The following PCDHGA4 variants were observed in gnomAD, a reference collection of about 807,000 sequenced individuals.
PCDHGA4 encodes the protein protocadherin gamma-A4.
Under a neutral mutation model 54.6 loss-of-function variants are expected in PCDHGA4, and 38 were observed. That is an observed-to-expected ratio of 0.70 (90% CI 0.54 to 0.91). The LOEUF is 0.91. Among genes scored for constraint, PCDHGA4 ranks in the 40% least tolerant of loss-of-function variants. PCDHGA4 has a pLI of 0.00. For synonymous variants in PCDHGA4, 511 were observed against 512.9 expected, an observed-to-expected ratio of 1.00 and a Z score of 0.05; for missense variants, 1,298 against 1,220.9, an observed-to-expected ratio of 1.06 and a Z score of -0.94.
At position 141,384,205 on chromosome 5, in the gene PCDHGA4, A is replaced by G. The variant is rs537255250; in HGVS notation, c.2514+26584A>G. 3.1e-6 allele frequency: 5 copies of G among 1,613,874 alleles called. No homozygotes were observed. In the African/African-American group the frequency reaches 4.0e-5, roughly 13 times the overall value. On this transcript the variant is annotated intron_variant, in intron 1 of 3. Transcript: ENST00000571252. ...TGGAACTCCTCCCTTGTCCAGGGAAACTCACATATTCATGCAGGTGGCAGA... is the reference window on the plus strand; with the variant it reads ...TGGAACTCCTCCCTTGTCCAGGGAAGCTCACATATTCATGCAGGTGGCAGA...
At chr5:141,405,804 C>T (rs1277295024) in intron 1 of PCDHGA4, among the ~76,000 whole-genome samples, 1 of 146,338 alleles carries the variant, frequency 6.8e-6, no homozygotes, top group Non-Finnish European at 1.5e-5. Context: ...AGTTAGCTTT[C>T]TCTTTAACTG....
At chr5:141,399,957 C>T in intron 1 of PCDHGA4, 5 of 1,612,212 alleles carry the variant, frequency 3.1e-6, no homozygotes, top group South Asian at 1.1e-5. Flanking sequence ...CTAGCGAGCC[C>T]GGGCTCTTCA....
intron 1 of PCDHGA4, chr5:141,389,674 G>T (rs763404625): frequency 1.2e-6 from 2 of 1,612,448 alleles, no homozygotes; most frequent in Admixed American, 3.3e-5. Flanking sequence ...GCAGACTCAG[G>T]ACACAACGCC....
intron 1 of PCDHGA4, chr5:141,374,023 A>C: frequency 7.1e-7 from 1 of 1,412,854 alleles, no homozygotes; most frequent in South Asian, 1.7e-5. Flanking sequence ...GAGAAGAGCA[A>C]AAGTGATGCA....
At position 141,491,823 on chromosome 5, in the gene PCDHGA4, C is replaced by G; in HGVS notation, c.2515-2984C>G. Reference sequence around the variant, plus strand: ...GCCGGCTTGGTCGCTGGCTGCGCTCCACCCGATTCTCGGGATCATTGGACC... The same window carrying G: ...GCCGGCTTGGTCGCTGGCTGCGCTCGACCCGATTCTCGGGATCATTGGACC... On this transcript the variant is annotated intron_variant, in intron 1 of 3. Transcript: ENST00000571252. The surrounding 1 kb of genome is among the most constrained non-coding windows in gnomAD (Gnocchi z 6.9). The G allele has an allele frequency of 6.8e-7, 1 of 1,479,156 alleles. No individual in the cohort carries two copies. Among genetic ancestry groups the G allele is most frequent in the Non-Finnish European group, 9.0e-7 (1 of 1,115,292 alleles). 91.6% of individuals were successfully genotyped at this position (1,479,156 alleles called of 1,614,324 possible). A position where few individuals can be genotyped will look rare whatever the true frequency, so the allele number is the denominator to read the frequency against.
At chr5:141,422,850 G>T (rs184432819) in intron 1 of PCDHGA4, 7 of 1,614,086 alleles carry the variant, frequency 4.3e-6, no homozygotes, top group Non-Finnish European at 5.9e-6. Context: ...GCGGGGACCC[G>T]CCCCTCAGCA....
intron 1 of PCDHGA4, chr5:141,428,255 G>A (rs2097128504): frequency 1.1e-6 from 1 of 875,462 alleles, no homozygotes; most frequent in Non-Finnish European, 1.8e-6. Context: ...CCAGACTTCA[G>A]TGACAGTCCT....
In PCDHGA4 at chr5:141,485,624, C is replaced by T; in HGVS notation, c.2515-9183C>T. 1 of 1,611,640 alleles carries T rather than the reference C, an allele frequency of 6.2e-7. No homozygotes were observed. The highest frequency in any genetic ancestry group is 1.1e-5 in the South Asian group (1 of 90,868). The stretch of plus-strand genomic sequence containing the variant: ...TGGGGAGGCAGCTCCTCCAGGACAG[C>T]GTTTCCCGTTGGAAAAGGCTCAGGA... On this transcript the variant is annotated intron_variant, in intron 1 of 3. Transcript: ENST00000571252. This position sits in a 1 kb window ranked among gnomAD's most constrained non-coding sequence, Gnocchi z 5.7.
Position 141,357,326 on chromosome 5 carries a change from C to A in PCDHGA4, c.2219C>A (p.Thr740Lys), listed in dbSNP as rs751525269. 6 of 1,613,964 alleles carry A rather than the reference C, an allele frequency of 3.7e-6. No homozygotes were observed. The highest frequency in any genetic ancestry group is 4.5e-5 in the East Asian group (2 of 44,896). Residue 740 changes from threonine (T) to lysine (K), a missense_variant, in exon 1 of 4, where the codon ACG (threonine) becomes AAG (lysine). By Grantham distance (78) the Thr-to-Lys change is moderately conservative. Coordinates refer to ENST00000571252, the MANE Select transcript of PCDHGA4 (RefSeq NM_018917.4). The part of the protein sequence containing the change: ...AVSCVFLAFV[T>K]VLLALKLRRW... ...TCCTGCGTCTTCCTGGCTTTTGTCA[C>A]GGTGCTGCTAGCACTCAAGCTGAGA...
chr5:141,389,737 G>A, intron 1 of PCDHGA4: 2 of 1,612,718 alleles, frequency 1.2e-6, no homozygotes, highest in Non-Finnish European at 1.7e-6. Flanking sequence ...TTCAGCCTGG[G>A]GCTGCGCACG....
intron 1 of PCDHGA4, among the ~76,000 whole-genome samples, chr5:141,402,640 T>G (rs1180615388): frequency 1.3e-5 from 2 of 152,232 alleles, no homozygotes; most frequent in East Asian, 3.8e-4. Flanking sequence ...TCTAAAATCA[T>G]AATTAGAAGA....
chr5:141,383,378 CAG>C (rs1561596110), intron 1 of PCDHGA4: 1 of 1,614,002 alleles, frequency 6.2e-7, no homozygotes, highest in Non-Finnish European at 8.5e-7. Flanking sequence ...GCTGGGGATC[CAG>C]ATGTGGGCAC....
chr5:141,446,759 G>A (rs983129633), intron 1 of PCDHGA4, among the ~76,000 whole-genome samples: 5 of 152,026 alleles, frequency 3.3e-5, no homozygotes, highest in Admixed American at 1.3e-4. Flanking sequence ...GAGCCACCGC[G>A]CCCAGCCGGT....
At position 141,370,441 on chromosome 5, in the gene PCDHGA4, T is replaced by C. The variant is rs2149963078; in HGVS notation, c.2514+12820T>C. On this transcript the variant is annotated intron_variant, in intron 1 of 3. Transcript: ENST00000571252. ...AGGGGCCCAGCAGGGCAGAGGCGAA[T>C]GCTATTTCTCTTCCTGCTCTCTTTG... 3.1e-6 allele frequency: 5 copies of C among 1,605,944 alleles called. No homozygotes were observed. Among genetic ancestry groups the C allele is most frequent in the Admixed American group, 1.7e-5 (1 of 58,778 alleles).
intron 1 of PCDHGA4, among the ~76,000 whole-genome samples, chr5:141,452,529 G>A (rs758947494): frequency 1.3e-5 from 2 of 152,176 alleles, no homozygotes; most frequent in Non-Finnish European, 2.9e-5. Context: ...AAAATCGTGA[G>A]TTCATATTGA....
At position 141,476,304 on chromosome 5, in the gene PCDHGA4, C is replaced by T. The variant is rs769790423; in HGVS notation, c.2515-18503C>T. On this transcript the variant is annotated intron_variant, in intron 1 of 3. Coordinates refer to ENST00000571252, the MANE Select transcript of PCDHGA4 (RefSeq NM_018917.4). The surrounding 1 kb of genome is among the most constrained non-coding windows in gnomAD (Gnocchi z 7.6). Reference sequence around the variant, plus strand: ...GGTTTGGATCTCGGTAGCCTCTCAGCCCGCAGGTTCCGGGTGGTGTCTGGA... The same window carrying T: ...GGTTTGGATCTCGGTAGCCTCTCAGTCCGCAGGTTCCGGGTGGTGTCTGGA... The T allele has an allele frequency of 6.2e-7, 1 of 1,613,746 alleles. No individual in the cohort carries two copies. Among genetic ancestry groups the T allele is most frequent in the Admixed American group, 1.7e-5 (1 of 59,988 alleles).
At position 141,494,838 on chromosome 5, in the gene PCDHGA4, C is replaced by T; in HGVS notation, c.2546C>T (p.Ser849Phe). 4.3e-6 allele frequency: 7 copies of T among 1,614,166 alleles called. No homozygotes were observed. Among genetic ancestry groups the T allele is most frequent in the Non-Finnish European group, 3.4e-6 (4 of 1,180,032 alleles). Residue 849 changes from serine (S) to phenylalanine (F), a missense_variant, in exon 2 of 4, where the codon TCT becomes TTT. By Grantham distance (155) the Ser-to-Phe change is radical. Transcript: ENST00000571252. ...CCGCCCAACACGGACTGGCGTTTCT[C>T]TCAGGCCCAGAGACCCGGCACCAGC... ...QAPPNTDWRF[S>F]QAQRPGTSGS...
At chr5:141,389,266 A>C in intron 1 of PCDHGA4, 1 of 1,614,022 alleles carries the variant, frequency 6.2e-7, no homozygotes, top group Non-Finnish European at 8.5e-7. Flanking sequence ...CACGTGGCCG[A>C]GAACAACCCG....
In PCDHGA4 at chr5:141,360,981, T is replaced by A. The variant is rs373943758; in HGVS notation, c.2514+3360T>A. The A allele has an allele frequency of 4.3e-6, 7 of 1,613,656 alleles. No homozygotes were observed. In the African/African-American group the frequency reaches 9.3e-5, roughly 22 times the overall value. ...ACGCAGAGATCACCTACTCCTTTCA[T>A]AATGTGGACGAACAAGTGAAACACT... On this transcript the variant is annotated intron_variant, in intron 1 of 3. Coordinates refer to ENST00000571252, the MANE Select transcript of PCDHGA4 (RefSeq NM_018917.4).
Sources: gnomAD v4.1 joint callset for allele counts (sites outside exome capture counted in the v4.1 genomes callset) on GRCh38, gnomAD v4.1.1 for gene constraint, Gnocchi (gnomAD v3.1) non-coding constraint, MANE v1.5 for transcripts, NCBI Gene and HGNC (gene_info 2026-07-23, HGNC 2026-07-21) for gene names.